The following PRKN variants were observed in gnomAD, a reference collection of about 807,000 sequenced individuals.
PRKN encodes the protein parkin RBR E3 ubiquitin protein ligase.
PRKN carries 56 observed loss-of-function variants against 59.5 expected under a neutral mutation model. That is an observed-to-expected ratio of 0.94 (90% CI 0.76 to 1.18). PRKN has a LOEUF of 1.18. Ranked by LOEUF, PRKN falls within the 50% of genes most tolerant of loss-of-function variation. The pLI is 0.00. For missense variants in PRKN, 657 were observed against 596.4 expected (o/e 1.10, Z -1.06); for synonymous variants, 250 against 222.1 (o/e 1.13, Z -1.12).
chr6:162,367,561 A>G (rs1427324208), intron 2 of PRKN, among the ~76,000 whole-genome samples: 1 of 152,140 alleles, frequency 6.6e-6, no homozygotes, highest in African/African-American at 2.4e-5. Context: ...ACCATCTCTG[A>G]TTTCATTCAC....
At chr6:162,291,476 C>T (rs1175570771) in intron 2 of PRKN, among the ~76,000 whole-genome samples, 2 of 152,124 alleles carry the variant, frequency 1.3e-5, no homozygotes, top group African/African-American at 4.8e-5. Context: ...GTGCCACGTC[C>T]ACCCTTGATC....
chr6:162,575,720 G>A (rs1160819458), intron 1 of PRKN, among the ~76,000 whole-genome samples: 2 of 152,076 alleles, frequency 1.3e-5, no homozygotes, highest in African/African-American at 4.8e-5. Flanking sequence ...AATGGCCAGG[G>A]CTACATCCCA....
At chr6:161,999,536 A>G (rs747293576) in intron 5 of PRKN, among the ~76,000 whole-genome samples, 1 of 152,114 alleles carries the variant, frequency 6.6e-6, no homozygotes, top group Non-Finnish European at 1.5e-5. Flanking sequence ...AATGGCATTC[A>G]TTTTGCATTT....
At chr6:161,879,043 C>T (rs538967797) in intron 6 of PRKN, among the ~76,000 whole-genome samples, 20 of 152,204 alleles carry the variant, frequency 1.3e-4, no homozygotes, top group African/African-American at 3.9e-4. Flanking sequence ...TTTAAAGTGC[C>T]GATTCCTACC....
rs35219002 is a variant in PRKN at position 161,357,048 on chromosome 6, CTTTT to C, written c.1285+3036_1285+3039del. 1.7e-5 allele frequency among the ~76,000 whole-genome samples: 2 copies of C among 115,604 alleles called. No homozygotes were observed. The highest frequency in any genetic ancestry group is 1.7e-5 in the Non-Finnish European group (1 of 58,110). The allele number at this position is 115,604 out of a possible 152,430, so 75.8% of individuals were successfully genotyped here. A position where few individuals can be genotyped will look rare whatever the true frequency, so the allele number is the denominator to read the frequency against. On this transcript the variant is annotated intron_variant, in intron 11 of 11. Transcript: ENST00000366898. The surrounding 1 kb of genome is among the most constrained non-coding windows in gnomAD (Gnocchi z 5.5). The stretch of plus-strand genomic sequence containing the variant: ...CAGGTCCAGGTTCGCTGACCACTTC[CTTTT>C]TTTTTTTTTTTTTTTTTGAGACAGA...
intron 1 of PRKN, among the ~76,000 whole-genome samples, chr6:162,696,482 T>G (rs922797941): frequency 2.0e-5 from 3 of 152,046 alleles, no homozygotes; most frequent in African/African-American, 7.2e-5. Context: ...CATGTATTTG[T>G]TTGTGAGGAA....
intron 9 of PRKN, among the ~76,000 whole-genome samples, chr6:161,509,520 A>T (rs58052550): frequency 0.081 from 12,287 of 151,898 alleles, 727 homozygotes; most frequent in African/African-American, 0.16. Flanking sequence ...CTTTCATGTT[A>T]AGCTGATTTT....
chr6:162,365,910 C>T (rs777626900), intron 2 of PRKN, among the ~76,000 whole-genome samples: 1 of 152,086 alleles, frequency 6.6e-6, no homozygotes, highest in African/African-American at 2.4e-5. Flanking sequence ...TCTCAATAAA[C>T]GTCCACTGAG....
At chr6:161,434,611 T>C (rs778639482) in intron 9 of PRKN, among the ~76,000 whole-genome samples, 1 of 152,188 alleles carries the variant, frequency 6.6e-6, no homozygotes, top group African/African-American at 2.4e-5. Context: ...ATTTTCCTAC[T>C]TGTGTAATCG....
In PRKN at chr6:162,356,769, AAG is replaced by A. The variant is rs1435498809; in HGVS notation, c.171+86539_171+86540del. The stretch of plus-strand genomic sequence containing the variant: ...TAGTAAAAAAAAAAAAAAAAAAAAA[AAG>A]ATAAGATAGACAATAAACAAATCAA... On this transcript the variant is annotated intron_variant, in intron 2 of 11. Transcript: ENST00000366898. Among the ~76,000 whole-genome samples the A allele has an allele frequency of 5.2e-3, 752 of 143,690 alleles. 4 individuals are homozygous for A. Among genetic ancestry groups the A allele is most frequent in the African/African-American group, 0.019 (724 of 37,432 alleles). 94.3% of individuals were successfully genotyped at this position (143,690 alleles called of 152,430 possible).
intron 6 of PRKN, among the ~76,000 whole-genome samples, chr6:161,835,719 T>C (rs955301298): frequency 7.2e-5 from 11 of 152,210 alleles, no homozygotes; most frequent in African/African-American, 2.7e-4. Context: ...ATCCTGTTTC[T>C]TCTATCAGCC....
chr6:162,432,173 T>C (rs1294506121), intron 2 of PRKN, among the ~76,000 whole-genome samples: 7 of 152,126 alleles, frequency 4.6e-5, no homozygotes, highest in Admixed American at 6.6e-5. Context: ...AGGATAGAAA[T>C]GAACTCACCA....
chr6:162,272,551 C>T (rs189943053), intron 2 of PRKN, among the ~76,000 whole-genome samples: 1 of 152,176 alleles, frequency 6.6e-6, no homozygotes, highest in East Asian at 1.9e-4. Flanking sequence ...AACTCAGGCA[C>T]GTCGGGGAGG....
intron 9 of PRKN, among the ~76,000 whole-genome samples, chr6:161,412,115 C>CCACTCACTCATTCCTT (rs1334157018): frequency 6.9e-6 from 1 of 145,240 alleles, no homozygotes; most frequent in Non-Finnish European, 1.5e-5. Flanking sequence ...ACTCATTCCT[C>CCACTCACTCATTCCTT]CACTCACTCA....
intron 6 of PRKN, among the ~76,000 whole-genome samples, chr6:161,931,832 ATAT>A (rs1779180232): frequency 6.6e-6 from 1 of 152,244 alleles, no homozygotes; most frequent in Non-Finnish European, 1.5e-5. Context: ...TTATCAAAAT[ATAT>A]TATGATAAAA....
intron 2 of PRKN, among the ~76,000 whole-genome samples, chr6:162,387,275 A>G (rs1786881551): frequency 6.6e-6 from 1 of 151,086 alleles, no homozygotes; most frequent in South Asian, 2.1e-4. Context: ...CCAAATGTTT[A>G]CTGGAAGGCT....
intron 2 of PRKN, among the ~76,000 whole-genome samples, chr6:162,348,352 CA>C (rs1784490440): frequency 6.6e-6 from 1 of 152,092 alleles, no homozygotes; most frequent in South Asian, 2.1e-4. Context: ...GAACAACGAC[CA>C]AAAATATCTG....
intron 5 of PRKN, among the ~76,000 whole-genome samples, chr6:162,009,641 A>T (rs976821205): frequency 1.3e-5 from 2 of 151,842 alleles, no homozygotes; most frequent in Non-Finnish European, 2.9e-5. Flanking sequence ...CAGTGAAATA[A>T]AAGTCCTCTC....
At chr6:162,028,405 G>T (rs1232961699) in intron 5 of PRKN, among the ~76,000 whole-genome samples, 1 of 152,162 alleles carries the variant, frequency 6.6e-6, no homozygotes, top group East Asian at 1.9e-4. Context: ...GAGAGGTTTG[G>T]GGCGAGGCAG....
Sources: allele counts gnomAD v4.1 joint callset (sites outside exome capture counted in the v4.1 genomes callset), GRCh38; gene constraint gnomAD v4.1.1; non-coding constraint Gnocchi (gnomAD v3.1); transcripts MANE v1.5; gene names NCBI Gene and HGNC (gene_info 2026-07-23, HGNC 2026-07-21).